Variants in FAM168A observed in about 807,000 individuals in gnomAD.
FAM168A encodes family with sequence similarity 168 member A.
Under a neutral mutation model 28.5 loss-of-function variants are expected in FAM168A, and 3 were observed. The ratio of observed to expected loss-of-function variants is 0.11; its 90% CI spans 0.05 to 0.27. The LOEUF is 0.27. Among genes scored for constraint, FAM168A ranks in the 10% least tolerant of loss-of-function variants. The pLI, the probability that FAM168A is intolerant of heterozygous loss-of-function variation, is 1.00. For missense variants in FAM168A, 222 were observed against 311.5 expected, an observed-to-expected ratio of 0.71 and a Z score of 2.16; for synonymous variants, 122 against 124.2, an observed-to-expected ratio of 0.98 and a Z score of 0.12.
chr11:73,580,490 C>T (rs1174177139), intron 1 of FAM168A: 9 of 618,470 alleles, frequency 1.5e-5, no homozygotes, highest in Non-Finnish European at 2.5e-5. Context: ...AGACCAGGGA[C>T]AGAAAGCTGA....
At chr11:73,564,779 G>A (rs1253111014) in intron 1 of FAM168A, among the ~76,000 whole-genome samples, 2 of 147,650 alleles carry the variant, frequency 1.4e-5, no homozygotes, top group African/African-American at 5.0e-5. Context: ...TAGAGGTATA[G>A]CTCTAGTCTA....
chr11:73,468,176 G>A lies in FAM168A; in HGVS notation c.70+229C>T, dbSNP rs140319437. ...ATATTTTAAAATAATCAAATCAAAT[G>A]TTTGCAGACTCTCTAAAACACTCTC... On this transcript the variant is annotated intron_variant, in intron 2 of 7. Transcript: ENST00000356467. Among the ~76,000 whole-genome samples, 892 of 152,262 alleles carry A rather than the reference G, an allele frequency of 5.9e-3. 8 individuals are homozygous for A. The highest frequency in any genetic ancestry group is 0.027 in the Middle Eastern group (8 of 294).
intron 1 of FAM168A, among the ~76,000 whole-genome samples, chr11:73,593,558 T>C (rs550261788): frequency 6.6e-6 from 1 of 152,318 alleles, no homozygotes; most frequent in East Asian, 1.9e-4. Context: ...GTTCCTAGAC[T>C]GTAAACATGC....
chr11:73,542,882 A>G (rs1044726944), intron 1 of FAM168A, among the ~76,000 whole-genome samples: 12 of 152,220 alleles, frequency 7.9e-5, no homozygotes, highest in Non-Finnish European at 1.6e-4. Context: ...TGGATCGCTT[A>G]AGCTGAACAA....
chr11:73,513,376 AT>A (rs575007954), intron 1 of FAM168A, among the ~76,000 whole-genome samples: 27,151 of 142,772 alleles, frequency 0.19, 3,689 homozygotes, highest in African/African-American at 0.4. Context: ...TGCCCAGCTA[AT>A]TTTTTTTTTT....
intron 1 of FAM168A, among the ~76,000 whole-genome samples, chr11:73,597,115 T>A (rs1025474085): frequency 6.6e-6 from 1 of 151,892 alleles, no homozygotes; most frequent in Non-Finnish European, 1.5e-5. Context: ...TCCATCCCTG[T>A]CCTCCCATTT....
chr11:73,457,639 G>C (rs1867559578), intron 2 of FAM168A, among the ~76,000 whole-genome samples: 1 of 147,558 alleles, frequency 6.8e-6, no homozygotes, highest in Non-Finnish European at 1.5e-5. Context: ...ACTTTGGGAG[G>C]CCGAAGTAAG....
rs1466080469 is a variant in FAM168A at position 73,538,352 on chromosome 11, AAGAG to A, written c.-19+59567_-19+59570del. ...TCCAAAACAAAAAACAAAAAAAAAA[AAGAG>A]AGAGAGAGAGTGAAGTAGCAACATC... is the stretch of plus-strand genomic sequence containing the variant. On this transcript the variant is annotated intron_variant, in intron 1 of 7. Transcript: ENST00000356467. Among the ~76,000 whole-genome samples, 82 of 152,008 alleles carry A rather than the reference AAGAG, an allele frequency of 5.4e-4. No homozygotes were observed. The East Asian group carries it at 9.1e-3, about 17-fold the overall frequency.
Position 73,430,776 on chromosome 11 carries a change from G to A in FAM168A, c.71-6C>T. The A allele has an allele frequency of 6.3e-7, 1 of 1,581,278 alleles. No homozygotes were observed. Among genetic ancestry groups the A allele is most frequent in the South Asian group, 1.2e-5 (1 of 86,574 alleles). ...TGGATAGGCTGTGGGGTAACCTACA[G>A]AGAGATAAGAAAAGGCTTATTTAGT... On this transcript the variant is annotated splice_region_variant and splice_polypyrimidine_tract_variant and intron_variant, in intron 2 of 7. Coordinates refer to ENST00000356467, the MANE Select transcript of FAM168A (RefSeq NM_015159.3).
At chr11:73,445,954 G>GT (rs1867304945) in intron 2 of FAM168A, among the ~76,000 whole-genome samples, 1 of 152,240 alleles carries the variant, frequency 6.6e-6, no homozygotes, top group Non-Finnish European at 1.5e-5. Context: ...TCATGGTTAT[G>GT]TAAGTGACAG....
intron 1 of FAM168A, among the ~76,000 whole-genome samples, chr11:73,570,875 G>A (rs80339956): frequency 0.07 from 10,577 of 152,106 alleles, 1,087 homozygotes; most frequent in African/African-American, 0.22. Flanking sequence ...GATTCTGACT[G>A]GGGCCTATGG....
chr11:73,534,147 A>C (rs915744980), intron 1 of FAM168A, among the ~76,000 whole-genome samples: 7 of 152,162 alleles, frequency 4.6e-5, no homozygotes, highest in Admixed American at 4.6e-4. Flanking sequence ...CTCTCCTTAG[A>C]CCCTACTTTT....
chr11:73,564,356 C>T (rs1051118352), intron 1 of FAM168A, among the ~76,000 whole-genome samples: 1 of 152,108 alleles, frequency 6.6e-6, no homozygotes, highest in Non-Finnish European at 1.5e-5. Flanking sequence ...CTACAAATGT[C>T]CACCTCAAGG....
intron 6 of FAM168A, among the ~76,000 whole-genome samples, chr11:73,408,249 TC>T (rs1472148371): frequency 6.6e-6 from 1 of 152,206 alleles, no homozygotes; most frequent in Admixed American, 6.5e-5. Flanking sequence ...TGGCTGTGTT[TC>T]CCACACTAAC....
chr11:73,483,200 T>C (rs1036910484), intron 1 of FAM168A, among the ~76,000 whole-genome samples: 12 of 152,150 alleles, frequency 7.9e-5, no homozygotes, highest in African/African-American at 2.9e-4. Context: ...ACACGATAAA[T>C]TGTGGTTTTT....
At chr11:73,562,999 C>T (rs1382618465) in intron 1 of FAM168A, among the ~76,000 whole-genome samples, 1 of 152,092 alleles carries the variant, frequency 6.6e-6, no homozygotes, top group Admixed American at 6.6e-5. Context: ...ATAGTATCCT[C>T]GTGACCAGTA....
rs200294334 is a variant in FAM168A, at chr11:73,430,705, G to A, written c.136C>T (p.Pro46Ser). 3 of 1,613,740 alleles carry A rather than the reference G, an allele frequency of 1.9e-6. No homozygotes were observed. The African/African-American group carries it at 4.0e-5, about 22-fold the overall frequency. ...YNPSLYPTNS[P>S]SYAPATLLMK... The stretch of plus-strand genomic sequence containing the variant: ...TCCTCCTTACCTGGAGCATAACTGG[G>A]ACTATTGGTGGGGTACAGGCTGGGA... Residue 46 changes from proline (P) to serine (S), a missense_variant, in exon 3 of 8, where the codon CCC becomes TCC. Coordinates refer to ENST00000356467, the MANE Select transcript of FAM168A (RefSeq NM_015159.3).
Position 73,407,623 on chromosome 11 carries a change from G to A in FAM168A, c.616C>T (p.Gln206Ter). The A allele has an allele frequency of 6.2e-7, 1 of 1,611,078 alleles. No individual in the cohort carries two copies. The highest frequency in any genetic ancestry group is 8.5e-7 in the Non-Finnish European group (1 of 1,178,878). The change falls in exon 7 of 8, where the codon CAG (glutamine) becomes TAG (stop). Residue 206 changes from glutamine (Q) to a stop codon, truncating the protein, a stop_gained. Transcript: ENST00000356467. LOFTEE classifies it high-confidence loss of function. ...MSAGTLLTTP[Q>*]HTAIGAHPVS... ...GGGTGTGCCCCAATCGCCGTGTGCT[G>A]GGGTGTAGTCAGCAGGGTACCTGAG... is the stretch of plus-strand genomic sequence containing the variant.
chr11:73,560,570 C>T (rs146432110), intron 1 of FAM168A, among the ~76,000 whole-genome samples: 101 of 152,276 alleles, frequency 6.6e-4, no homozygotes, highest in Admixed American at 5.2e-3. Flanking sequence ...AGGCTATCAA[C>T]CTGCCATGTG....
Sources: gnomAD v4.1 joint callset for allele counts (sites outside exome capture counted in the v4.1 genomes callset) on GRCh38, gnomAD v4.1.1 for gene constraint, MANE v1.5 for transcripts, NCBI Gene and HGNC (gene_info 2026-07-23, HGNC 2026-07-21) for gene names.